The following MAGI2 variants were observed in gnomAD, a reference collection of about 807,000 sequenced individuals.
MAGI2 encodes membrane associated guanylate kinase, WW and PDZ domain containing 2, also known as membrane-associated guanylate kinase, WW and PDZ domain-containing protein 2.
Under a neutral mutation model 133.3 loss-of-function variants are expected in MAGI2, and 35 were observed. The observed-to-expected ratio is 0.26, with a 90% CI of 0.20 to 0.35. The LOEUF (loss-of-function observed/expected upper bound fraction) is 0.35. Ranked by LOEUF, MAGI2 falls within the 10% of genes least tolerant of loss-of-function variation. MAGI2 has a pLI of 1.00. For synonymous variants in MAGI2, 729 were observed against 710.6 expected (o/e 1.03, Z -0.41); for missense variants, 1,636 against 1,863.4 (o/e 0.88, Z 2.25).
chr7:78,388,185 G>T (rs1215121039), intron 6 of MAGI2, among the ~76,000 whole-genome samples: 1 of 152,094 alleles, frequency 6.6e-6, no homozygotes, highest in Non-Finnish European at 1.5e-5. Context: ...ATAAGGAATA[G>T]AGATATAGAG....
intron 20 of MAGI2, among the ~76,000 whole-genome samples, chr7:78,109,339 A>G (rs1819103372): frequency 7.1e-6 from 1 of 141,066 alleles, no homozygotes; most frequent in Non-Finnish European, 1.5e-5. Context: ...AAAAAAGAAA[A>G]AAGAAAAAAA....
At chr7:78,538,734 G>A (rs1421457539) in intron 3 of MAGI2, among the ~76,000 whole-genome samples, 2 of 152,064 alleles carry the variant, frequency 1.3e-5, no homozygotes, top group Non-Finnish European at 2.9e-5. Flanking sequence ...AGATCTAGGA[G>A]CTTTTTGGAT....
intron 2 of MAGI2, among the ~76,000 whole-genome samples, chr7:78,705,430 C>G (rs1258769277): frequency 6.6e-6 from 1 of 152,162 alleles, no homozygotes; most frequent in East Asian, 1.9e-4. Context: ...ATTACCCAGT[C>G]TCAGGTATTT....
At position 78,138,625 on chromosome 7, in the gene MAGI2, T is replaced by TCACACATACACACACACA. The variant is rs1491145483; in HGVS notation, c.2846-3420_2846-3419insTGTGTGTGTGTATGTGTG. Reference sequence around the variant, plus strand: ...ATCCCAAATGTTTCAAAACATAGATTCACACACACACACACACACACACAC... The same window carrying TCACACATACACACACACA: ...ATCCCAAATGTTTCAAAACATAGATTCACACATACACACACACACACACACACACACACACACACACAC... On this transcript the variant is annotated intron_variant, in intron 16 of 21. Coordinates refer to ENST00000354212, the MANE Select transcript of MAGI2 (RefSeq NM_012301.4). 4.4e-4 allele frequency among the ~76,000 whole-genome samples: 57 copies of TCACACATACACACACACA among 129,484 alleles called. 2 individuals are homozygous for TCACACATACACACACACA. Among genetic ancestry groups the TCACACATACACACACACA allele is most frequent in the East Asian group, 3.2e-3 (14 of 4,370 alleles). 84.9% of individuals were successfully genotyped at this position (129,484 alleles called of 152,430 possible).
At chr7:79,448,588 T>A (rs1286392576) in intron 1 of MAGI2, among the ~76,000 whole-genome samples, 1 of 152,114 alleles carries the variant, frequency 6.6e-6, no homozygotes, top group African/African-American at 2.4e-5. Flanking sequence ...CTAACTGACA[T>A]ACTCAGGAAT....
intron 1 of MAGI2, among the ~76,000 whole-genome samples, chr7:79,173,166 A>G (rs1469185126): frequency 6.6e-6 from 1 of 152,074 alleles, no homozygotes; most frequent in Non-Finnish European, 1.5e-5. Flanking sequence ...TCATAATAGC[A>G]ACAAAAAGGT....
At chr7:78,604,076 A>G (rs1398082647) in intron 3 of MAGI2, among the ~76,000 whole-genome samples, 1 of 152,210 alleles carries the variant, frequency 6.6e-6, no homozygotes, top group Non-Finnish European at 1.5e-5. Flanking sequence ...AAACATAATT[A>G]TGAGATTCCC....
chr7:78,242,393 C>T (rs1478339881), intron 10 of MAGI2, among the ~76,000 whole-genome samples: 1 of 152,194 alleles, frequency 6.6e-6, no homozygotes, highest in East Asian at 1.9e-4. Flanking sequence ...AACACATGCA[C>T]TGCAACTTAT....
At chr7:78,205,294 G>A (rs989600648) in intron 10 of MAGI2, among the ~76,000 whole-genome samples, 6 of 152,076 alleles carry the variant, frequency 3.9e-5, no homozygotes, top group Admixed American at 6.6e-5. Context: ...ACCACACCCA[G>A]CTAATTTTTG....
intron 2 of MAGI2, among the ~76,000 whole-genome samples, chr7:78,912,769 T>G: frequency 6.8e-6 from 1 of 147,290 alleles, no homozygotes; most frequent in African/African-American, 2.5e-5. Context: ...ATATCATTCA[T>G]ATATATATCA....
intron 12 of MAGI2, 107 bp downstream of exon 12, chr7:78,194,767 T>C (rs1324462743): frequency 2.2e-5 from 21 of 965,006 alleles, no homozygotes; most frequent in Non-Finnish European, 3.0e-5. Context: ...GAAACACTTT[T>C]GAAACTCAGA....
At chr7:78,375,671 G>A (rs957074011) in intron 6 of MAGI2, among the ~76,000 whole-genome samples, 2 of 151,984 alleles carry the variant, frequency 1.3e-5, no homozygotes, top group Admixed American at 1.3e-4. Flanking sequence ...AATTCCCATA[G>A]GTTAAGTAAT....
intron 1 of MAGI2, among the ~76,000 whole-genome samples, chr7:79,194,795 GA>G (rs200900142): frequency 8.3e-5 from 12 of 144,512 alleles, no homozygotes; most frequent in East Asian, 4.0e-4. Context: ...CCTTAGAAAA[GA>G]AAAAAAAAAT....
At chr7:79,098,275 T>C (rs1287448767) in intron 1 of MAGI2, among the ~76,000 whole-genome samples, 2 of 152,186 alleles carry the variant, frequency 1.3e-5, no homozygotes, top group East Asian at 3.9e-4. Context: ...CCAGTTTTCC[T>C]GGTATCTTAG....
At chr7:78,730,769 A>G (rs184920398) in intron 2 of MAGI2, among the ~76,000 whole-genome samples, 2 of 152,236 alleles carry the variant, frequency 1.3e-5, no homozygotes, top group East Asian at 3.9e-4. Context: ...ATTAAGATAT[A>G]TTATATACTT....
intron 2 of MAGI2, among the ~76,000 whole-genome samples, chr7:78,766,270 G>A (rs1432957373): frequency 6.6e-6 from 1 of 152,204 alleles, no homozygotes; most frequent in Non-Finnish European, 1.5e-5. Flanking sequence ...TTGCTTCGTG[G>A]AGAAAGATAG....
At chr7:78,647,577 G>A (rs1464807514) in intron 2 of MAGI2, among the ~76,000 whole-genome samples, 2 of 152,200 alleles carry the variant, frequency 1.3e-5, no homozygotes, top group Non-Finnish European at 2.9e-5. Context: ...CATCATGGAA[G>A]ACAGTGTGGT....
intron 9 of MAGI2, among the ~76,000 whole-genome samples, chr7:78,271,211 A>G (rs1350199383): frequency 1.3e-5 from 2 of 152,188 alleles, no homozygotes; most frequent in African/African-American, 4.8e-5. Context: ...CCTTTTCTGC[A>G]TCTATTGAGA....
At chr7:78,574,422 C>G (rs1398456860) in intron 3 of MAGI2, among the ~76,000 whole-genome samples, 1 of 152,162 alleles carries the variant, frequency 6.6e-6, no homozygotes, top group African/African-American at 2.4e-5. Context: ...ATATATTTTA[C>G]CATGTATACT....
Sources: gnomAD v4.1 joint callset for allele counts (sites outside exome capture counted in the v4.1 genomes callset) on GRCh38, gnomAD v4.1.1 for gene constraint, MANE v1.5 for transcripts, NCBI Gene and HGNC (gene_info 2026-07-23, HGNC 2026-07-21) for gene names.